The following QRFP variants were observed in gnomAD, a reference collection of about 807,000 sequenced individuals.
The protein encoded by QRFP is orexigenic neuropeptide QRFP.
Under a neutral mutation model 9.1 loss-of-function variants are expected in QRFP, and 7 were observed. The observed-to-expected ratio is 0.77, with a 90% confidence interval of 0.44 to 1.45. The LOEUF is 1.45. QRFP is among the 40% of genes most tolerant of loss of function. The pLI, the probability that QRFP is intolerant of heterozygous loss-of-function variation, is 0.01. For missense variants in QRFP, 204 were observed against 185.4 expected (o/e 1.10, Z -0.58); for synonymous variants, 91 against 80.2 (o/e 1.13, Z -0.72).
Position 130,893,523 on chromosome 9 carries a change from C to A in QRFP, c.316G>T (p.Glu106Ter). The A allele has an allele frequency of 6.2e-7, 1 of 1,612,466 alleles. No homozygotes were observed. Among genetic ancestry groups the A allele is most frequent in the Non-Finnish European group, 8.5e-7 (1 of 1,179,524 alleles). The part of the protein sequence containing the change: ...EATGFLPAAG[E>*]KTSGPLGNLA... ...TTCCCTAACGGGCCGCTGGTCTTCT[C>A]CCCCGCAGCAGGGAGGAAGCCGGTG... is the stretch of plus-strand genomic sequence containing the variant. Residue 106 changes from glutamate to a stop codon, truncating the protein, a stop_gained, in exon 3 of 3, where the codon GAG (glutamate) becomes TAG (stop). Coordinates refer to ENST00000623824, the MANE Select transcript of QRFP (RefSeq NM_198180.3). LOFTEE classifies it high-confidence loss of function.
At chr9:130,894,083 C>T (rs558065789) in intron 2 of QRFP, among the ~76,000 whole-genome samples, 41 of 152,302 alleles carry the variant, frequency 2.7e-4, no homozygotes, top group Middle Eastern at 6.8e-3. Context: ...AGCTTAGCAC[C>T]GTAAATCCAC....
rs1478277266 is a variant in QRFP at position 130,893,410 on chromosome 9, C to T, written c.*18G>A. ...GGGTGAGTCCAAGAAGCAAATCCTTCCAAGGCGTCCTGGCCCTTCACCGCC... is the reference window on the plus strand; with the variant it reads ...GGGTGAGTCCAAGAAGCAAATCCTTTCAAGGCGTCCTGGCCCTTCACCGCC... On this transcript the variant is annotated 3_prime_UTR_variant, in exon 3 of 3. Transcript: ENST00000623824. 1.9e-6 allele frequency: 3 copies of T among 1,549,666 alleles called. No individual in the cohort carries two copies. In the African/African-American group the frequency reaches 4.1e-5, roughly 21 times the overall value.
At chr9:130,894,498 A>C (rs926729038) in intron 2 of QRFP, among the ~76,000 whole-genome samples, 2 of 152,138 alleles carry the variant, frequency 1.3e-5, no homozygotes, top group African/African-American at 4.8e-5. Flanking sequence ...GGCCAGTCCC[A>C]CTTTTTCAGG....
chr9:130,893,606 C>T lies in QRFP; in HGVS notation c.233G>A (p.Gly78Asp). The T allele has an allele frequency of 1.9e-6, 3 of 1,612,210 alleles. No individual in the cohort carries two copies. The highest frequency in any genetic ancestry group is 2.2e-5 in the East Asian group (1 of 44,850). The part of the protein sequence containing the change: ...LVIARGLQTS[G>D]REHAGCRFRF... ...GAATCTGCAGCCAGCATGCTCTCTG[C>T]CCGATGTCTGCAGCCCCCTGGCTAT... The change falls in exon 3 of 3, where the codon GGC becomes GAC. Residue 78 changes from glycine (G) to aspartate (D), a missense_variant. Physicochemically the swap from Gly to Asp is moderately conservative, Grantham distance 94 (BLOSUM62 -1). Coordinates refer to ENST00000623824, the MANE Select transcript of QRFP (RefSeq NM_198180.3).
At chr9:130,896,275 C>T (rs752615068) in intron 1 of QRFP, among the ~76,000 whole-genome samples, 4 of 152,230 alleles carry the variant, frequency 2.6e-5, no homozygotes, top group Non-Finnish European at 4.4e-5. Flanking sequence ...AGGTGGAGCC[C>T]TCAGCGGCCT....
In QRFP at chr9:130,893,496, G is replaced by C; in HGVS notation, c.343C>G (p.Leu115Val). ...CTGTAGCCATTGAGCTCCTCAGCCA[G>C]GTTCCCTAACGGGCCGCTGGTCTTC... The part of the protein sequence containing the change: ...GEKTSGPLGN[L>V]AEELNGYSRK... Residue 115 changes from leucine (L) to valine (V), a missense_variant, in exon 3 of 3, where the codon CTG (leucine) becomes GTG (valine). Leu to Val is a conservative substitution (Grantham distance 32). Transcript: ENST00000623824. 3 of 1,610,302 alleles carry C rather than the reference G, an allele frequency of 1.9e-6. No homozygotes were observed. The highest frequency in any genetic ancestry group is 2.2e-5 in the South Asian group (2 of 90,914).
In QRFP at chr9:130,893,762, T is replaced by C. The variant is rs1481153714; in HGVS notation, c.77A>G (p.Glu26Gly). ...GAGGCCACCCATGGCGTCTGTGGGCTCTCTTCTGTCCAGTAGAGGGAAGCA... is the reference window on the plus strand; with the variant it reads ...GAGGCCACCCATGGCGTCTGTGGGCCCTCTTCTGTCCAGTAGAGGGAAGCA... ...GACFPLLDRR[E>G]PTDAMGGLGA... The change falls in exon 3 of 3, where the codon GAG becomes GGG. Residue 26 changes from glutamate to glycine, a missense_variant. Coordinates refer to ENST00000623824, the MANE Select transcript of QRFP (RefSeq NM_198180.3). 6.2e-7 allele frequency: 1 copy of C among 1,605,870 alleles called. No individual in the cohort carries two copies. The highest frequency in any genetic ancestry group is 8.5e-7 in the Non-Finnish European group (1 of 1,176,590).
chr9:130,894,803 G>A (rs1588288050), intron 2 of QRFP, among the ~76,000 whole-genome samples: 1 of 152,044 alleles, frequency 6.6e-6, no homozygotes, highest in Admixed American at 6.6e-5. Flanking sequence ...CATGGCACTC[G>A]GGGGATCTGA....
In QRFP at chr9:130,896,701, C is replaced by G. The variant is rs1314311076; in HGVS notation, c.-410G>C. The stretch of plus-strand genomic sequence containing the variant: ...CACTTCGGGGCTGAGCGCCCAGGTT[C>G]GGGCGGAGGGTCTGCGGATTGAAGC... On this transcript the variant is annotated 5_prime_UTR_variant, in exon 1 of 3. Coordinates refer to ENST00000623824, the MANE Select transcript of QRFP (RefSeq NM_198180.3). 6.6e-6 allele frequency: 1 copy of G among 152,366 alleles called. No homozygotes were observed. Among genetic ancestry groups the G allele is most frequent in the African/African-American group, 2.4e-5 (1 of 41,568 alleles). 9.4% of individuals were successfully genotyped at this position (152,366 alleles called of 1,614,324 possible).
chr9:130,896,634 C>CT lies in QRFP; in HGVS notation c.-344dup, dbSNP rs1831764004. 6.6e-6 allele frequency: 1 copy of CT among 152,258 alleles called. No homozygotes were observed. The highest frequency in any genetic ancestry group is 1.5e-5 in the Non-Finnish European group (1 of 68,068). 9.4% of individuals were successfully genotyped at this position (152,258 alleles called of 1,614,324 possible). The stretch of plus-strand genomic sequence containing the variant: ...CATGGGAATAGAGAGCCTGTGGACA[C>CT]TTCCCCAGAGACCTGAGGAAGGCAC... On this transcript the variant is annotated 5_prime_UTR_variant, in exon 1 of 3. It removes the in-frame stop codon of an upstream open reading frame in the 5' UTR. Transcript: ENST00000623824.
intron 2 of QRFP, among the ~76,000 whole-genome samples, chr9:130,895,110 G>A (rs927386651): frequency 7.9e-5 from 12 of 152,082 alleles, no homozygotes; most frequent in East Asian, 5.8e-4. Context: ...CTAAGCTTTC[G>A]TCCCCCAGGG....
intron 2 of QRFP, among the ~76,000 whole-genome samples, chr9:130,895,191 G>A (rs556418124): frequency 2.0e-5 from 3 of 152,304 alleles, no homozygotes; most frequent in African/African-American, 4.8e-5. Flanking sequence ...GGGCTTCCAC[G>A]AGGTGACTTT....
At chr9:130,893,889 C>T (rs758763303) in intron 2 of QRFP, 51 bp from the exon 3 acceptor site, 31 of 1,461,538 alleles carry the variant, frequency 2.1e-5, no homozygotes, top group South Asian at 3.1e-5. Flanking sequence ...CGTGGCCAAG[C>T]GCAACTCACC....
chr9:130,893,356 G>T lies in QRFP; in HGVS notation c.*72C>A. On this transcript the variant is annotated 3_prime_UTR_variant, in exon 3 of 3. Transcript: ENST00000623824. ...TCTGGGTGTCGTGGTCTTTGAGACT[G>T]GGGGAGAAGGCAGGAGTGAAGACAA... 6.9e-7 allele frequency: 1 copy of T among 1,448,826 alleles called. No homozygotes were observed. The highest frequency in any genetic ancestry group is 9.3e-7 in the Non-Finnish European group (1 of 1,074,892). 89.7% of individuals were successfully genotyped at this position (1,448,826 alleles called of 1,614,324 possible).
intron 2 of QRFP, among the ~76,000 whole-genome samples, chr9:130,894,444 T>C (rs1235874539): frequency 2.0e-5 from 3 of 152,066 alleles, no homozygotes. Flanking sequence ...AGCTCACACA[T>C]GTGATTGTAC....
intron 2 of QRFP, among the ~76,000 whole-genome samples, chr9:130,894,130 G>A (rs988276069): frequency 1.3e-4 from 20 of 152,176 alleles, no homozygotes; most frequent in African/African-American, 7.2e-5. Context: ...AGGCGGCCCC[G>A]GGAGAGTCAG....
intron 2 of QRFP, among the ~76,000 whole-genome samples, chr9:130,894,123 C>T (rs972479830): frequency 2.0e-5 from 3 of 152,206 alleles, no homozygotes; most frequent in African/African-American, 7.2e-5. Flanking sequence ...AGTGCCCAGG[C>T]GGCCCCGGGA....
chr9:130,893,507 G>GGGCC lies in QRFP; in HGVS notation c.328_331dup (p.Pro111ArgfsTer8), dbSNP rs759781741. ...GAGCTCCTCAGCCAGGTTCCCTAAC[G>GGGCC]GGCCGCTGGTCTTCTCCCCCGCAGC... On this transcript the variant is annotated frameshift_variant, in exon 3 of 3. Transcript: ENST00000623824. LOFTEE classifies it high-confidence loss of function. 17 of 1,611,146 alleles carry GGGCC rather than the reference G, an allele frequency of 1.1e-5. No homozygotes were observed. The African/African-American group carries it at 1.9e-4, about 18-fold the overall frequency.
Position 130,893,793 on chromosome 9 carries a change from C to G in QRFP, c.46G>C (p.Gly16Arg), listed in dbSNP as rs1831721903. The change falls in exon 3 of 3, where the codon GGC becomes CGC. Residue 16 changes from glycine to arginine, a missense_variant. Gly to Arg is a moderately radical substitution (Grantham distance 125). Coordinates refer to ENST00000623824, the MANE Select transcript of QRFP (RefSeq NM_198180.3). ...CTGTCCAGTAGAGGGAAGCAGGCGC[C>G]CAGCGGCAGGAAGAGGAAGTAGATC... ...PLIYFLFLPL[G>R]ACFPLLDRRE... The G allele has an allele frequency of 6.4e-7, 1 of 1,558,588 alleles. No homozygotes were observed.
Sources: allele counts gnomAD v4.1 joint callset (sites outside exome capture counted in the v4.1 genomes callset), GRCh38; gene constraint gnomAD v4.1.1; transcripts MANE v1.5; gene names NCBI Gene and HGNC (gene_info 2026-07-23, HGNC 2026-07-21).